MORC3: variants seen among roughly 807,000 people sequenced by gnomAD.
The protein encoded by MORC3 is MORC family CW-type zinc finger protein 3.
In MORC3, 31 loss-of-function variants were observed where a neutral mutation model predicts 109.1. That is an observed-to-expected ratio of 0.28 (90% CI 0.21 to 0.38). The LOEUF (loss-of-function observed/expected upper bound fraction) is 0.38, where lower values mean the gene tolerates loss of function less well. MORC3 is among the 10% of genes least tolerant of loss of function. The probability of loss-of-function intolerance (pLI) is 1.00; values close to 1 mark genes in which losing one functional copy is unlikely to be tolerated. For synonymous variants in MORC3, 395 were observed against 380.7 expected (o/e 1.04, Z -0.44); for missense variants, 867 against 1,135.8 (o/e 0.76, Z 3.40).
At chr21:36,333,949 A>AT (rs1484660065) in intron 2 of MORC3, among the ~76,000 whole-genome samples, 1 of 151,470 alleles carries the variant, frequency 6.6e-6, no homozygotes, top group African/African-American at 2.4e-5. Flanking sequence ...CGACCAGCTA[A>AT]TTTTTTTGTA....
intron 5 of MORC3, among the ~76,000 whole-genome samples, chr21:36,340,281 A>G (rs2085427420): frequency 6.6e-6 from 1 of 151,576 alleles, no homozygotes; most frequent in African/African-American, 2.4e-5. Context: ...CTGTCTCAAA[A>G]AAAAAAAAAA....
In MORC3 at chr21:36,336,870, C is replaced by G. The variant is rs772323521; in HGVS notation, c.113-4C>G. 1 of 1,589,310 alleles carries G rather than the reference C, an allele frequency of 6.3e-7. No individual in the cohort carries two copies. Among genetic ancestry groups the G allele is most frequent in the Non-Finnish European group, 8.6e-7 (1 of 1,168,396 alleles). On this transcript the variant is annotated splice_region_variant and splice_polypyrimidine_tract_variant and intron_variant, in intron 2 of 16. Transcript: ENST00000400485. Reference sequence around the variant, plus strand: ...CAGAATTTCTTCAAACTTGTGTTTCCCAGATAATGCTTATGATCCTGATGT... The same window carrying G: ...CAGAATTTCTTCAAACTTGTGTTTCGCAGATAATGCTTATGATCCTGATGT...
intron 1 of MORC3, among the ~76,000 whole-genome samples, chr21:36,325,951 C>T (rs1041303738): frequency 3.3e-5 from 5 of 152,090 alleles, no homozygotes; most frequent in South Asian, 2.1e-4. Flanking sequence ...CAGTGGCTCA[C>T]GCCTCAGCAC....
chr21:36,320,359 C>A, intron 1 of MORC3, 56 bp downstream of exon 1: 2 of 1,316,366 alleles, frequency 1.5e-6, no homozygotes, highest in Non-Finnish European at 2.0e-6. Context: ...GGCGGGCAAG[C>A]GAAGGGGGGC....
At chr21:36,355,791 T>C (rs1472464738) in intron 9 of MORC3, among the ~76,000 whole-genome samples, 2 of 143,188 alleles carry the variant, frequency 1.4e-5, no homozygotes, top group Non-Finnish European at 3.0e-5. Flanking sequence ...CTACAAAAAA[T>C]GAAAAAAAAA....
rs1569109877 is a variant in MORC3, at chr21:36,369,483, T to A, written c.2115T>A (p.Leu705=). ...AAGAACTGAGAAACCAGCTACTCCT[T>A]GTCACTGAGGAAAAAGAGAATTATA... ...QLQELRNQLL[L]VTEEKENYKR... is the part of the protein sequence containing the mutation. Residue 705 remains leucine, a synonymous_variant, in exon 15 of 17, where the codon CTT becomes CTA. Coordinates refer to ENST00000400485, the MANE Select transcript of MORC3 (RefSeq NM_015358.3). 2 of 1,614,192 alleles carry A rather than the reference T, an allele frequency of 1.2e-6. No homozygotes were observed.
Position 36,361,174 on chromosome 21 carries a change from A to G in MORC3, c.1406+916A>G, listed in dbSNP as rs553037097. Among the ~76,000 whole-genome samples, 284 of 152,172 alleles carry G rather than the reference A, an allele frequency of 1.9e-3. 1 individual carries two copies. The highest frequency in any genetic ancestry group is 6.2e-3 in the African/African-American group (258 of 41,518). On this transcript the variant is annotated intron_variant, in intron 12 of 16. Transcript: ENST00000400485. ...TCTACCACACACAGAAGGCCAGGTT[A>G]CTAAGAGCCTTTCAGGTGGCTTTGA...
At chr21:36,367,730 CA>C (rs1287790982) in intron 14 of MORC3, among the ~76,000 whole-genome samples, 1 of 152,136 alleles carries the variant, frequency 6.6e-6, no homozygotes, top group Admixed American at 6.6e-5. Context: ...AGGATCATGA[CA>C]TTTTTTTAAC....
intron 1 of MORC3, among the ~76,000 whole-genome samples, chr21:36,321,225 A>AT (rs2085190615): frequency 6.6e-6 from 1 of 152,200 alleles, no homozygotes; most frequent in Non-Finnish European, 1.5e-5. Flanking sequence ...GGCAGATTCT[A>AT]ACACCTGGTT....
chr21:36,327,099 T>C, intron 1 of MORC3, among the ~76,000 whole-genome samples: 1 of 149,098 alleles, frequency 6.7e-6, no homozygotes, highest in Non-Finnish European at 1.5e-5. Flanking sequence ...ACAGCAGGCG[T>C]GAGCCAGCGC....
chr21:36,372,456 C>A lies in MORC3; in HGVS notation c.2591C>A (p.Thr864Lys). ...LKTEVEQLKS[T>K]NQQTATDVST... is the part of the protein sequence containing the mutation. ...ACTGAAGTAGAACAGTTAAAATCTA[C>A]AAATCAACAGACGGCAACAGATGTT... The change falls in exon 16 of 17, where the codon ACA becomes AAA. Residue 864 changes from threonine (T) to lysine (K), a missense_variant. By Grantham distance (78) the Thr-to-Lys change is moderately conservative. Coordinates refer to ENST00000400485, the MANE Select transcript of MORC3 (RefSeq NM_015358.3). 1.2e-6 allele frequency: 2 copies of A among 1,608,926 alleles called. No individual in the cohort carries two copies. The highest frequency in any genetic ancestry group is 1.7e-6 in the Non-Finnish European group (2 of 1,179,022).
intron 9 of MORC3, among the ~76,000 whole-genome samples, chr21:36,349,968 G>A (rs2085552465): frequency 6.6e-6 from 1 of 152,190 alleles, no homozygotes; most frequent in East Asian, 1.9e-4. Flanking sequence ...CAGAACTTGG[G>A]CTGGATTTGG....
chr21:36,369,083 A>G lies in MORC3; in HGVS notation c.1715A>G (p.Asp572Gly), dbSNP rs2085817207. 1 of 1,614,178 alleles carries G rather than the reference A, an allele frequency of 6.2e-7. No homozygotes were observed. Among genetic ancestry groups the G allele is most frequent in the African/African-American group, 1.3e-5 (1 of 75,050 alleles). ...GAAAATTCAGTTTATAAAGGTGATG[A>G]TGATGATGAAGATGTCATCATCTTA... ...QFENSVYKGD[D>G]DDEDVIILEE... Residue 572 changes from aspartate (D) to glycine (G), a missense_variant, in exon 15 of 17, where the codon GAT becomes GGT. Physicochemically the swap from Asp to Gly is moderately conservative, Grantham distance 94. This residue lies in a region of MORC3 where 486 missense variants were observed against 502.1 expected (regional missense o/e 0.97). Transcript: ENST00000400485.
At chr21:36,330,681 G>T (rs540042581) in intron 1 of MORC3, among the ~76,000 whole-genome samples, 8 of 152,156 alleles carry the variant, frequency 5.3e-5, no homozygotes, top group Non-Finnish European at 1.0e-4. Context: ...GTAGCCAGAG[G>T]TTTTACACCC....
chr21:36,348,888 G>A (rs1051572077), intron 8 of MORC3, among the ~76,000 whole-genome samples: 42 of 152,094 alleles, frequency 2.8e-4, no homozygotes, highest in Non-Finnish European at 5.1e-4. Flanking sequence ...GGCCGGACGC[G>A]GTGGCTCATG....
chr21:36,372,664 G>A, intron 16 of MORC3, 133 bp downstream of exon 16: 2 of 864,594 alleles, frequency 2.3e-6, no homozygotes. Context: ...TGACCCTGGT[G>A]TTATGATAGA....
chr21:36,323,480 TGTTAGTG>T (rs1349212695), intron 1 of MORC3, among the ~76,000 whole-genome samples: 3 of 152,112 alleles, frequency 2.0e-5, no homozygotes, highest in Admixed American at 1.3e-4. Context: ...TTTTTGTTAT[TGTTAGTG>T]GTGGAGAATA....
In MORC3 at chr21:36,375,367, TTTG is replaced by T; in HGVS notation, c.*74_*76del. The stretch of plus-strand genomic sequence containing the variant: ...GTACAGCTTTCAAAATATAATTAAT[TTTG>T]TTTTATAGATATGATAGGCAACAGA... On this transcript the variant is annotated 3_prime_UTR_variant, in exon 17 of 17. Coordinates refer to ENST00000400485, the MANE Select transcript of MORC3 (RefSeq NM_015358.3). The T allele has an allele frequency of 7.9e-6, 11 of 1,393,650 alleles. No homozygotes were observed. The highest frequency in any genetic ancestry group is 1.1e-5 in the Non-Finnish European group (11 of 1,026,496). The allele number at this position is 1,393,650 out of a possible 1,614,324, so 86.3% of individuals were successfully genotyped here. A position where few individuals can be genotyped will look rare whatever the true frequency, so the allele number is the denominator to read the frequency against.
In MORC3 at chr21:36,376,400, T is replaced by C. The variant is rs1048058742; in HGVS notation, c.*1104T>C. 1 of 152,600 alleles carries C rather than the reference T, an allele frequency of 6.6e-6. No individual in the cohort carries two copies. The highest frequency in any genetic ancestry group is 1.5e-5 in the Non-Finnish European group (1 of 68,030). The allele number at this position is 152,600 out of a possible 1,614,324, so 9.5% of individuals were successfully genotyped here. A position where few individuals can be genotyped will look rare whatever the true frequency, so the allele number is the denominator to read the frequency against. On this transcript the variant is annotated 3_prime_UTR_variant, in exon 17 of 17. Coordinates refer to ENST00000400485, the MANE Select transcript of MORC3 (RefSeq NM_015358.3). ...TGCTATTTATTTTTACCTTTGTTTT[T>C]GAACATTCAATCCGTTCATTTTGTA...
Sources: gnomAD v4.1 joint callset for allele counts (sites outside exome capture counted in the v4.1 genomes callset) on GRCh38, gnomAD v4.1.1 for gene constraint, gnomAD v4.1.1 regional missense constraint, MANE v1.5 for transcripts, NCBI Gene and HGNC (gene_info 2026-07-23, HGNC 2026-07-21) for gene names.